Variants in TRHDE observed in about 807,000 individuals in gnomAD.
The protein encoded by TRHDE is thyrotropin-releasing hormone-degrading ectoenzyme.
A neutral mutation model predicts 125.7 loss-of-function variants in TRHDE; 72 were observed. That is an observed-to-expected ratio of 0.57 (90% CI 0.47 to 0.70). The LOEUF (loss-of-function observed/expected upper bound fraction) is 0.70. Ranked by LOEUF, TRHDE falls within the 30% of genes least tolerant of loss-of-function variation. The probability of loss-of-function intolerance (pLI) is 0.00; values close to 1 mark genes in which losing one functional copy is unlikely to be tolerated. For missense variants in TRHDE, 1,110 were observed against 1,327.1 expected, an observed-to-expected ratio of 0.84 and a Z score of 2.54; for synonymous variants, 509 against 509.1, an observed-to-expected ratio of 1.00 and a Z score of 0.00.
intron 2 of TRHDE, among the ~76,000 whole-genome samples, chr12:72,302,807 T>C (rs1285285816): frequency 6.6e-6 from 1 of 152,114 alleles, no homozygotes; most frequent in Non-Finnish European, 1.5e-5. Flanking sequence ...GGCTTTACCT[T>C]TACCACCCTT....
chr12:72,552,954 C>A lies in TRHDE; in HGVS notation c.1789-9211C>A, dbSNP rs149116192. Among the ~76,000 whole-genome samples, 402 of 152,188 alleles carry A rather than the reference C, an allele frequency of 2.6e-3. 4 individuals carry two copies. Among genetic ancestry groups the A allele is most frequent in the African/African-American group, 8.6e-3 (358 of 41,540 alleles). On this transcript the variant is annotated intron_variant, in intron 7 of 18. Transcript: ENST00000261180. Reference sequence around the variant, plus strand: ...GACCTTGCTCATTGAGAAGGTGAGGCACTTGTCTTTAATAGGAGACTTATC... The same window carrying A: ...GACCTTGCTCATTGAGAAGGTGAGGAACTTGTCTTTAATAGGAGACTTATC...
chr12:72,089,297 A>C (rs1393693413), intron 1 of TRHDE, among the ~76,000 whole-genome samples: 1 of 152,184 alleles, frequency 6.6e-6, no homozygotes, highest in Non-Finnish European at 1.5e-5. Context: ...TGAGCCTGCC[A>C]GAGAGATCTT....
Position 72,501,733 on chromosome 12 carries a change from C to G in TRHDE, c.1722+2098C>G, listed in dbSNP as rs780745673. Among the ~76,000 whole-genome samples the G allele has an allele frequency of 2.6e-5, 4 of 151,792 alleles. No homozygotes were observed. The East Asian group carries it at 7.7e-4, about 29-fold the overall frequency. ...AAACTATTATCTTTTTCAACTTTCT[C>G]GGAGAATTTGTATAAAATTTATATT... is the stretch of plus-strand genomic sequence containing the variant. On this transcript the variant is annotated intron_variant, in intron 6 of 18. Transcript: ENST00000261180.
chr12:72,304,997 A>T lies in TRHDE; in HGVS notation c.1188+18043A>T, dbSNP rs145014595. 5.5e-4 allele frequency among the ~76,000 whole-genome samples: 84 copies of T among 152,266 alleles called. No individual in the cohort carries two copies. The East Asian group carries it at 0.012, about 22-fold the overall frequency. ...CATCTTATCTTGTGGTTAAAGATTT[A>T]GAGGAAGAGAGAGCAAGAGAGCACA... On this transcript the variant is annotated intron_variant, in intron 2 of 18. Transcript: ENST00000261180.
At chr12:72,585,558 T>A (rs1871405918) in intron 12 of TRHDE, among the ~76,000 whole-genome samples, 2 of 152,220 alleles carry the variant, frequency 1.3e-5, no homozygotes, top group South Asian at 4.1e-4. Flanking sequence ...ACACACATCC[T>A]AATGCCTACT....
chr12:72,334,371 A>G (rs752528307), intron 2 of TRHDE, among the ~76,000 whole-genome samples: 13 of 152,206 alleles, frequency 8.5e-5, no homozygotes, highest in Non-Finnish European at 1.6e-4. Context: ...CTCAAACTCT[A>G]GTTTGTTGTG....
At chr12:72,491,261 T>G (rs543202995) in intron 5 of TRHDE, among the ~76,000 whole-genome samples, 1 of 152,046 alleles carries the variant, frequency 6.6e-6, no homozygotes, top group Non-Finnish European at 1.5e-5. Flanking sequence ...GCAGTGATTT[T>G]TTGGGCCGCG....
intron 3 of TRHDE, among the ~76,000 whole-genome samples, chr12:72,437,857 A>G (rs1252505064): frequency 6.6e-6 from 1 of 151,856 alleles, no homozygotes; most frequent in East Asian, 1.9e-4. Flanking sequence ...CCATTTATAC[A>G]ATAGAACTCT....
At chr12:72,250,387 A>G (rs1334069976) in intron 2 of TRHDE, among the ~76,000 whole-genome samples, 1 of 152,178 alleles carries the variant, frequency 6.6e-6, no homozygotes, top group East Asian at 1.9e-4. Context: ...CACTACGAAA[A>G]GCTGCTGAAG....
rs572173677 is a variant in TRHDE at position 72,288,342 on chromosome 12, A to T, written c.1188+1388A>T. On this transcript the variant is annotated intron_variant, in intron 2 of 18. Transcript: ENST00000261180. ...TTTAAGTCATTGTGGGACCTGTTTA[A>T]AAAATAAAATCTGCCAGCATACAAA... is the stretch of plus-strand genomic sequence containing the variant. Among the ~76,000 whole-genome samples, 3 of 152,286 alleles carry T rather than the reference A, an allele frequency of 2.0e-5. No homozygotes were observed. The East Asian group carries it at 5.8e-4, about 29-fold the overall frequency.
At chr12:72,090,544 G>A (rs1290546539) in intron 1 of TRHDE, among the ~76,000 whole-genome samples, 1 of 152,100 alleles carries the variant, frequency 6.6e-6, no homozygotes, top group Non-Finnish European at 1.5e-5. Context: ...CTTGGAGCAT[G>A]TTTTTATGCC....
rs1276692606 is a variant in TRHDE at position 72,664,868 on chromosome 12, A to C, written c.*1673A>C. The C allele has an allele frequency of 6.6e-6, 1 of 152,192 alleles. No individual in the cohort carries two copies. The highest frequency in any genetic ancestry group is 6.6e-5 in the Admixed American group (1 of 15,256). The allele number at this position is 152,192 out of a possible 1,614,324, so 9.4% of individuals were successfully genotyped here. On this transcript the variant is annotated 3_prime_UTR_variant, in exon 19 of 19. Coordinates refer to ENST00000261180, the MANE Select transcript of TRHDE (RefSeq NM_013381.3). ...ATCTATAGAATAAAGTACCACCTAA[A>C]ACTGAATTTTATCATATAAGCAAGT... is the stretch of plus-strand genomic sequence containing the variant.
At chr12:72,240,864 G>T (rs1440323642) in intron 2 of TRHDE, among the ~76,000 whole-genome samples, 1 of 152,070 alleles carries the variant, frequency 6.6e-6, no homozygotes, top group Non-Finnish European at 1.5e-5. Context: ...GAGCCACCGC[G>T]CCTGGCCTCT....
rs1213305642 is a variant in TRHDE, at chr12:72,568,612, G to C, written c.2087G>C (p.Ser696Thr). ...TTAACTATTGTGGTAGGAAATAGAAGCCATGTGTCTTCAGAAGCAATTATT... is the reference window on the plus strand; with the variant it reads ...TTAACTATTGTGGTAGGAAATAGAACCCATGTGTCTTCAGAAGCAATTATT... ...IPLTIVVGNR[S>T]HVSSEAIIWV... The change falls in exon 10 of 19, where the codon AGC (serine) becomes ACC (threonine). Residue 696 changes from serine to threonine, a missense_variant. Ser to Thr is a moderately conservative substitution (Grantham distance 58). Coordinates refer to ENST00000261180, the MANE Select transcript of TRHDE (RefSeq NM_013381.3). The C allele has an allele frequency of 6.2e-7, 1 of 1,611,938 alleles. No individual in the cohort carries two copies. Among genetic ancestry groups the C allele is most frequent in the East Asian group, 2.2e-5 (1 of 44,738 alleles).
intron 3 of TRHDE, among the ~76,000 whole-genome samples, chr12:72,441,348 CTAA>C (rs1592447203): frequency 6.6e-6 from 1 of 151,830 alleles, no homozygotes; most frequent in South Asian, 2.1e-4. Context: ...ATAAAATTGA[CTAA>C]TAATAACTTT....
chr12:72,433,601 G>A (rs1874597476), intron 3 of TRHDE, among the ~76,000 whole-genome samples: 1 of 151,672 alleles, frequency 6.6e-6, no homozygotes, highest in Non-Finnish European at 1.5e-5. Context: ...TTTAATCTAG[G>A]GATTCAGAAT....
intron 2 of TRHDE, among the ~76,000 whole-genome samples, chr12:72,163,423 A>T (rs1005871631): frequency 6.6e-6 from 1 of 152,374 alleles, no homozygotes; most frequent in East Asian, 1.9e-4. Context: ...AGATTCCTGC[A>T]TATCTCAGGC....
intron 2 of TRHDE, among the ~76,000 whole-genome samples, chr12:72,297,777 A>G (rs572502856): frequency 1.3e-5 from 2 of 152,138 alleles, no homozygotes. Context: ...TAAGGATGAG[A>G]GTGTGGGCAG....
intron 2 of TRHDE, among the ~76,000 whole-genome samples, chr12:72,296,932 A>G (rs1023905722): frequency 4.6e-5 from 7 of 152,166 alleles, no homozygotes; most frequent in Admixed American, 3.9e-4. Context: ...GTCTGTTCCA[A>G]GGAGCTTTAG....
Sources: gnomAD v4.1 joint callset for allele counts (sites outside exome capture counted in the v4.1 genomes callset) on GRCh38, gnomAD v4.1.1 for gene constraint, MANE v1.5 for transcripts, NCBI Gene and HGNC (gene_info 2026-07-23, HGNC 2026-07-21) for gene names.